Variants in MICAL3 observed in about 807,000 individuals in gnomAD.
The protein encoded by MICAL3 is [F-actin]-monooxygenase MICAL3.
MICAL3 carries 62 observed loss-of-function variants against 207.4 expected under a neutral mutation model. The observed-to-expected ratio is 0.30, with a 90% CI of 0.24 to 0.37. The LOEUF (loss-of-function observed/expected upper bound fraction) is 0.37. Ranked by LOEUF, MICAL3 falls within the 10% of genes least tolerant of loss-of-function variation. The pLI is 1.00. For synonymous variants in MICAL3, 1,077 were observed against 1,069.3 expected (o/e 1.01, Z -0.14); for missense variants, 2,368 against 2,635.6 (o/e 0.90, Z 2.22).
chr22:17,896,963 G>A lies in MICAL3; in HGVS notation c.967C>T (p.Leu323Phe), dbSNP rs1171793922. ...VILHDYADTE[L>F]LLSRENVDQE... Reference sequence around the variant, plus strand: ...TCCACGTTTTCTCGGGAAAGCAGGAGCTCTGTGTCGGCGTAGTCCTGTCTC... The same window carrying A: ...TCCACGTTTTCTCGGGAAAGCAGGAACTCTGTGTCGGCGTAGTCCTGTCTC... The change falls in exon 8 of 32, where the codon CTC (leucine) becomes TTC (phenylalanine). Residue 323 changes from leucine to phenylalanine, a missense_variant. By Grantham distance (22) the Leu-to-Phe change is conservative (BLOSUM62 0). This residue lies in a region of MICAL3 where 400 missense variants were observed against 547.0 expected (regional missense o/e 0.73). Coordinates refer to ENST00000441493, the MANE Select transcript of MICAL3 (RefSeq NM_015241.3). 4 of 1,613,550 alleles carry A rather than the reference G, an allele frequency of 2.5e-6. No homozygotes were observed. The highest frequency in any genetic ancestry group is 3.4e-6 in the Non-Finnish European group (4 of 1,179,726).
chr22:17,820,117 T>C (rs13054323), intron 25 of MICAL3, among the ~76,000 whole-genome samples: 34,823 of 145,740 alleles, frequency 0.24, 5,145 homozygotes, highest in Non-Finnish European at 0.33. Flanking sequence ...CATGCCAGTC[T>C]GGGCAAGAGA....
At chr22:17,897,031 GC>G in intron 7 of MICAL3, 50 bp from the exon 8 acceptor site, 1 of 1,557,180 alleles carries the variant, frequency 6.4e-7, no homozygotes, top group Non-Finnish European at 8.7e-7. Context: ...CTGGCACTCA[GC>G]CAGAACCATG....
At chr22:18,011,895 AAATAAT>A (rs1330775324) in intron 1 of MICAL3, among the ~76,000 whole-genome samples, 2 of 150,322 alleles carry the variant, frequency 1.3e-5, no homozygotes, top group South Asian at 4.2e-4. Flanking sequence ...CTGTCTCAAA[AAATAAT>A]AATAATAATA....
chr22:18,000,308 C>T (rs557941770), intron 1 of MICAL3, among the ~76,000 whole-genome samples: 80 of 151,914 alleles, frequency 5.3e-4, no homozygotes, highest in African/African-American at 1.9e-3. Flanking sequence ...TACATCAACC[C>T]GTTTCACATA....
intron 1 of MICAL3, among the ~76,000 whole-genome samples, chr22:18,023,206 T>C (rs937256766): frequency 1.3e-5 from 2 of 151,572 alleles, no homozygotes; most frequent in Non-Finnish European, 2.9e-5. Flanking sequence ...AAATCCAGTA[T>C]GCACTCCAAA....
chr22:17,965,605 A>G (rs559825501), intron 1 of MICAL3, among the ~76,000 whole-genome samples: 1 of 152,344 alleles, frequency 6.6e-6, no homozygotes, highest in East Asian at 1.9e-4. Context: ...GATCAGCCTC[A>G]TGTGATAGAC....
intron 16 of MICAL3, chr22:17,884,469 A>C: frequency 1.3e-6 from 1 of 751,994 alleles, no homozygotes; most frequent in Non-Finnish European, 2.1e-6. Flanking sequence ...ACAGCCCCAT[A>C]TCTGTGAACT....
At position 17,863,497 on chromosome 22, in the gene MICAL3, C is replaced by T. The variant is rs113657466; in HGVS notation, c.2605+1402G>A. The stretch of plus-strand genomic sequence containing the variant: ...GCTGCAAAGGCCTGTGGGTACTTCA[C>T]GAGAAAGATGGATTATAAAGATCTT... On this transcript the variant is annotated intron_variant, in intron 19 of 31. Transcript: ENST00000441493. The T allele has an allele frequency of 2.0e-4, 198 of 985,304 alleles. No individual in the cohort carries two copies. The African/African-American group carries it at 2.8e-3, about 14-fold the overall frequency. The allele number at this position is 985,304 out of a possible 1,614,324, so 61.0% of individuals were successfully genotyped here.
At chr22:17,810,539 C>A (rs112915622) in intron 28 of MICAL3, among the ~76,000 whole-genome samples, 164 bp downstream of exon 28, 1 of 152,320 alleles carries the variant, frequency 6.6e-6, no homozygotes, top group Admixed American at 6.5e-5. Context: ...AAGGCAGGGC[C>A]TCTGTGGCTG....
intron 1 of MICAL3, chr22:17,980,847 C>A (rs371249870): frequency 1.9e-6 from 1 of 519,230 alleles, no homozygotes; most frequent in African/African-American, 1.9e-5. Flanking sequence ...TGGCCCGTCA[C>A]CCTCAGTTCC....
At chr22:17,911,726 C>T (rs1000395628) in intron 1 of MICAL3, among the ~76,000 whole-genome samples, 5 of 151,852 alleles carry the variant, frequency 3.3e-5, no homozygotes, top group Non-Finnish European at 7.4e-5. Flanking sequence ...CATCTACATG[C>T]GAGGCTGAGG....
chr22:17,899,187 C>T (rs1420129102), intron 7 of MICAL3: 2 of 514,062 alleles, frequency 3.9e-6, no homozygotes, highest in East Asian at 3.8e-5. Flanking sequence ...AGAACACTGG[C>T]CACGTGTTGA....
intron 3 of MICAL3, among the ~76,000 whole-genome samples, chr22:17,903,949 C>T (rs1252103989): frequency 1.3e-5 from 2 of 152,242 alleles, no homozygotes; most frequent in African/African-American, 4.8e-5. Context: ...TTCTGAATTG[C>T]TTTGCTGGCC....
At chr22:17,897,046 C>T (rs1185526388) in intron 7 of MICAL3, 65 bp from the exon 8 acceptor site, 13 of 1,519,808 alleles carry the variant, frequency 8.6e-6, no homozygotes, top group Admixed American at 2.0e-5. Context: ...AACCATGTTA[C>T]ACAACCCAGG....
chr22:17,891,722 A>G (rs1930406818), intron 11 of MICAL3, 90 bp from the exon 12 acceptor site: 2 of 1,287,136 alleles, frequency 1.6e-6, no homozygotes. Context: ...GTCCCCTTTG[A>G]AAAATTACTG....
chr22:17,993,701 C>T (rs1569160546), intron 1 of MICAL3, among the ~76,000 whole-genome samples: 2 of 152,076 alleles, frequency 1.3e-5, no homozygotes, highest in Non-Finnish European at 2.9e-5. Context: ...CTGACTCTGC[C>T]CCCTGAGAAG....
Position 17,841,775 on chromosome 22 carries a change from C to G in MICAL3, c.2801+47G>C. On this transcript the variant is annotated intron_variant, in intron 20 of 31. Coordinates refer to ENST00000441493, the MANE Select transcript of MICAL3 (RefSeq NM_015241.3). This position sits in a 1 kb window ranked among gnomAD's most constrained non-coding sequence, Gnocchi z 4.2. ...CGAGACACACAGAGGTGAGGAGGCT[C>G]TTAGGGCCGTGTGGCGGGTGGGCGC... The G allele has an allele frequency of 6.5e-7, 1 of 1,536,710 alleles. No individual in the cohort carries two copies.
intron 1 of MICAL3, chr22:17,980,865 C>G (rs1935875349): frequency 1.9e-6 from 1 of 529,382 alleles, no homozygotes; most frequent in African/African-American, 1.9e-5. Context: ...TCCTGCTCAA[C>G]TGCACCCTCA....
rs1230893641 is a variant in MICAL3 at position 17,808,735 on chromosome 22, C to T, written c.5650+109G>A. The T allele has an allele frequency of 3.4e-6, 3 of 877,902 alleles. No individual in the cohort carries two copies. The African/African-American group carries it at 5.1e-5, about 15-fold the overall frequency. 54.4% of individuals were successfully genotyped at this position (877,902 alleles called of 1,614,324 possible). On this transcript the variant is annotated intron_variant, in intron 29 of 31. Coordinates refer to ENST00000441493, the MANE Select transcript of MICAL3 (RefSeq NM_015241.3). ...CAGAGATGAAGGGCCCCAGAAAATCCTGCTGGAAAAGGAGCTGAATTCCAG... is the reference window on the plus strand; with the variant it reads ...CAGAGATGAAGGGCCCCAGAAAATCTTGCTGGAAAAGGAGCTGAATTCCAG...
Sources: allele counts gnomAD v4.1 joint callset (sites outside exome capture counted in the v4.1 genomes callset), GRCh38; gene constraint gnomAD v4.1.1; regional missense constraint gnomAD v4.1.1; non-coding constraint Gnocchi (gnomAD v3.1); transcripts MANE v1.5; gene names NCBI Gene and HGNC (gene_info 2026-07-23, HGNC 2026-07-21).